Variants in TMEM132D observed in about 807,000 individuals in gnomAD.
TMEM132D encodes transmembrane protein 132D, also known as mature OL transmembrane protein.
TMEM132D carries 21 observed loss-of-function variants against 62.3 expected under a neutral mutation model. The observed-to-expected ratio is 0.34, with a 90% CI of 0.24 to 0.49. The LOEUF is 0.49. Ranked by LOEUF, TMEM132D falls within the 20% of genes least tolerant of loss-of-function variation. TMEM132D has a pLI of 0.99. For synonymous variants in TMEM132D, 621 were observed against 575.6 expected, an observed-to-expected ratio of 1.08 and a Z score of -1.13; for missense variants, 1,346 against 1,402.8, an observed-to-expected ratio of 0.96 and a Z score of 0.65.
intron 4 of TMEM132D, among the ~76,000 whole-genome samples, chr12:129,263,817 AG>A (rs1880616168): frequency 6.6e-6 from 1 of 152,122 alleles, no homozygotes; most frequent in South Asian, 2.1e-4. Context: ...AGGGTTCTTC[AG>A]AATGGAAAGG....
intron 5 of TMEM132D, among the ~76,000 whole-genome samples, chr12:129,155,336 T>G (rs1391042915): frequency 1.3e-5 from 2 of 152,238 alleles, no homozygotes; most frequent in Non-Finnish European, 2.9e-5. Context: ...AGTGATTTTA[T>G]TTTCTTTACC....
At chr12:129,455,737 C>T (rs558116457) in intron 3 of TMEM132D, among the ~76,000 whole-genome samples, 39 of 152,278 alleles carry the variant, frequency 2.6e-4, no homozygotes, top group Middle Eastern at 3.4e-3. Context: ...CAATGTACAG[C>T]TGGAGCTTAG....
chr12:129,207,995 A>T lies in TMEM132D; in HGVS notation c.1443+1525T>A, dbSNP rs188018304. ...TCACCCAACTGATCTATCTAACATG[A>T]GGTCTTATTTCTTCTTTCAAACTGC... On this transcript the variant is annotated intron_variant, in intron 5 of 8. Transcript: ENST00000422113. Among the ~76,000 whole-genome samples, 67 of 152,298 alleles carry T rather than the reference A, an allele frequency of 4.4e-4. 1 individual carries two copies. Among genetic ancestry groups the T allele is most frequent in the Admixed American group, 4.2e-3 (64 of 15,290 alleles).
In TMEM132D at chr12:129,822,540, C is replaced by T. The variant is rs263299; in HGVS notation, c.79+80721G>A. Among the ~76,000 whole-genome samples, 986 of 152,240 alleles carry T rather than the reference C, an allele frequency of 6.5e-3. 6 individuals carry two copies. Among genetic ancestry groups the T allele is most frequent in the African/African-American group, 0.022 (927 of 41,544 alleles). On this transcript the variant is annotated intron_variant, in intron 1 of 8. Transcript: ENST00000422113. Reference sequence around the variant, plus strand: ...GGAAGCTTGTCAGAGGCTCAGCATCCGGAGTTGTTGATATGGTTTGTGTAT... The same window carrying T: ...GGAAGCTTGTCAGAGGCTCAGCATCTGGAGTTGTTGATATGGTTTGTGTAT...
chr12:129,392,252 T>C (rs1048244383), intron 3 of TMEM132D, among the ~76,000 whole-genome samples: 8 of 151,282 alleles, frequency 5.3e-5, no homozygotes, highest in African/African-American at 1.7e-4. Context: ...AGACAAGGTT[T>C]CTCCATGTTG....
chr12:129,396,995 G>C (rs10847858), intron 3 of TMEM132D, among the ~76,000 whole-genome samples: 29,860 of 152,006 alleles, frequency 0.2, 3,155 homozygotes, highest in South Asian at 0.37. Context: ...TTTTCACTAG[G>C]AATATATCAC....
At chr12:129,329,383 C>T (rs986235945) in intron 4 of TMEM132D, among the ~76,000 whole-genome samples, 13 of 151,944 alleles carry the variant, frequency 8.6e-5, no homozygotes, top group Non-Finnish European at 1.9e-4. Flanking sequence ...ACTGAATTTT[C>T]GAAAAGTCTG....
At chr12:129,717,563 G>A (rs750936793) in intron 1 of TMEM132D, among the ~76,000 whole-genome samples, 36 of 149,010 alleles carry the variant, frequency 2.4e-4, no homozygotes, top group South Asian at 6.3e-4. Flanking sequence ...AAATATTTCC[G>A]TATGGGAAAC....
chr12:129,108,682 G>A (rs974832915), intron 5 of TMEM132D, among the ~76,000 whole-genome samples: 4 of 152,072 alleles, frequency 2.6e-5, no homozygotes, highest in African/African-American at 9.7e-5. Flanking sequence ...AGATGCATGC[G>A]GTATTTCCCA....
intron 1 of TMEM132D, among the ~76,000 whole-genome samples, chr12:129,819,213 C>A (rs1565997042): frequency 6.6e-6 from 1 of 151,938 alleles, no homozygotes; most frequent in South Asian, 2.1e-4. Flanking sequence ...GAAATTTGTT[C>A]ATCCCTTCTA....
intron 2 of TMEM132D, among the ~76,000 whole-genome samples, chr12:129,676,929 C>T (rs1169993696): frequency 6.6e-6 from 1 of 152,198 alleles, no homozygotes; most frequent in East Asian, 1.9e-4. Flanking sequence ...ATTCAACTAT[C>T]CTATCCCGCC....
intron 2 of TMEM132D, among the ~76,000 whole-genome samples, chr12:129,591,338 T>G (rs1878185061): frequency 6.6e-6 from 1 of 152,164 alleles, no homozygotes; most frequent in Admixed American, 6.5e-5. Context: ...TCCTAGAGCA[T>G]GCATCATCCA....
At chr12:129,833,259 C>T (rs1872900806) in intron 1 of TMEM132D, among the ~76,000 whole-genome samples, 1 of 152,144 alleles carries the variant, frequency 6.6e-6, no homozygotes, top group Non-Finnish European at 1.5e-5. Context: ...CACACAAAGG[C>T]AAACCTTGTT....
chr12:129,709,234 T>A (rs1349641368), intron 1 of TMEM132D, among the ~76,000 whole-genome samples: 1 of 152,184 alleles, frequency 6.6e-6, no homozygotes, highest in Non-Finnish European at 1.5e-5. Context: ...AGGCTTGAAA[T>A]TTCCTGTCTC....
At chr12:129,174,089 C>T (rs1011771441) in intron 5 of TMEM132D, among the ~76,000 whole-genome samples, 17 of 152,138 alleles carry the variant, frequency 1.1e-4, no homozygotes, top group East Asian at 1.9e-4. Context: ...TCTGAAATAA[C>T]GATGCCCCGC....
intron 5 of TMEM132D, among the ~76,000 whole-genome samples, chr12:129,203,119 G>T (rs1878753538): frequency 6.6e-6 from 1 of 152,124 alleles, no homozygotes; most frequent in Non-Finnish European, 1.5e-5. Flanking sequence ...ATCAATCGCT[G>T]AGTGTCAGCC....
intron 3 of TMEM132D, among the ~76,000 whole-genome samples, chr12:129,524,949 C>T (rs1464312225): frequency 4.6e-5 from 4 of 86,128 alleles, no homozygotes; most frequent in African/African-American, 1.5e-4. Context: ...TTTTTTGAGA[C>T]GGAGTCTCGC....
intron 2 of TMEM132D, among the ~76,000 whole-genome samples, chr12:129,582,913 C>T (rs1877915866): frequency 6.6e-6 from 1 of 151,946 alleles, no homozygotes; most frequent in Admixed American, 6.6e-5. Context: ...GCATTAGCCA[C>T]CACGTCCAGC....
intron 3 of TMEM132D, among the ~76,000 whole-genome samples, chr12:129,367,824 C>A (rs1870469785): frequency 1.4e-5 from 2 of 139,652 alleles, no homozygotes; most frequent in African/African-American, 5.3e-5. Flanking sequence ...CTTGCTCTGT[C>A]ACCCAGGCTG....
Sources: gnomAD v4.1 joint callset for allele counts (sites outside exome capture counted in the v4.1 genomes callset) on GRCh38, gnomAD v4.1.1 for gene constraint, MANE v1.5 for transcripts, NCBI Gene and HGNC (gene_info 2026-07-23, HGNC 2026-07-21) for gene names.